Variants in ARHGAP26 observed in about 807,000 individuals in gnomAD.
ARHGAP26 encodes the protein rho GTPase-activating protein 26.
In ARHGAP26, 38 loss-of-function variants were observed where a neutral mutation model predicts 104.8. That is an observed-to-expected ratio of 0.36 (90% CI 0.28 to 0.48). ARHGAP26 has a LOEUF of 0.48. Ranked by LOEUF, ARHGAP26 falls within the 20% of genes least tolerant of loss-of-function variation. ARHGAP26 has a pLI of 0.99. For missense variants in ARHGAP26, 704 were observed against 947.9 expected (o/e 0.74, Z 3.38); for synonymous variants, 341 against 340.0 (o/e 1.00, Z -0.03).
At chr5:143,120,921 C>T in intron 17 of ARHGAP26, 67 bp from the exon 18 acceptor site, 1 of 1,486,000 alleles carries the variant, frequency 6.7e-7, no homozygotes, top group East Asian at 2.3e-5. Context: ...AGGAAGGATA[C>T]AGGGTGGTTG....
intron 1 of ARHGAP26, among the ~76,000 whole-genome samples, chr5:142,838,468 A>G (rs1310352464): frequency 6.6e-6 from 1 of 152,220 alleles, no homozygotes; most frequent in East Asian, 1.9e-4. Context: ...TAATGCAGGT[A>G]TGAGGTCAGG....
intron 1 of ARHGAP26, among the ~76,000 whole-genome samples, chr5:142,798,959 G>C (rs1032287255): frequency 3.3e-5 from 5 of 152,168 alleles, no homozygotes; most frequent in African/African-American, 1.2e-4. Context: ...AACCTTGAAG[G>C]CCCAGTAGCT....
chr5:143,135,998 T>C (rs1008237136), intron 19 of ARHGAP26, among the ~76,000 whole-genome samples: 1 of 152,230 alleles, frequency 6.6e-6, no homozygotes, highest in African/African-American at 2.4e-5. Context: ...TATGGGGTAA[T>C]GTGCTTCTCA....
chr5:143,011,567 A>G (rs899707097), intron 11 of ARHGAP26, among the ~76,000 whole-genome samples: 4 of 152,188 alleles, frequency 2.6e-5, no homozygotes, highest in South Asian at 2.1e-4. Flanking sequence ...GAGGTCTTCA[A>G]ACTTTTCAAA....
At chr5:143,018,893 A>T (rs1216093985) in intron 12 of ARHGAP26, among the ~76,000 whole-genome samples, 2 of 152,202 alleles carry the variant, frequency 1.3e-5, no homozygotes, top group East Asian at 3.8e-4. Context: ...TTGCGAGTGC[A>T]TTGAATCATA....
chr5:142,842,977 C>T (rs910653094), intron 1 of ARHGAP26, among the ~76,000 whole-genome samples: 6 of 152,106 alleles, frequency 3.9e-5, no homozygotes, highest in East Asian at 3.8e-4. Flanking sequence ...ATGTAGGGGA[C>T]GTGATTCAAA....
intron 19 of ARHGAP26, among the ~76,000 whole-genome samples, chr5:143,139,086 G>A (rs889828704): frequency 2.6e-5 from 4 of 152,198 alleles, no homozygotes; most frequent in Non-Finnish European, 5.9e-5. Flanking sequence ...GGAGTTCAAA[G>A]TTTCATTCAG....
At chr5:142,931,771 A>C (rs1764755518) in intron 10 of ARHGAP26, among the ~76,000 whole-genome samples, 1 of 152,220 alleles carries the variant, frequency 6.6e-6, no homozygotes. Context: ...ACAACGTCTA[A>C]AGGCATCACT....
chr5:142,788,778 C>T (rs1279016017), intron 1 of ARHGAP26, among the ~76,000 whole-genome samples: 1 of 152,212 alleles, frequency 6.6e-6, no homozygotes, highest in Non-Finnish European at 1.5e-5. Context: ...ATATTGGTAT[C>T]TGTTGGGAGT....
At chr5:142,775,870 G>A (rs938827538) in intron 1 of ARHGAP26, among the ~76,000 whole-genome samples, 2 of 152,112 alleles carry the variant, frequency 1.3e-5, no homozygotes, top group African/African-American at 2.4e-5. Flanking sequence ...CTGTCATTAG[G>A]AAAGACTATT....
intron 1 of ARHGAP26, among the ~76,000 whole-genome samples, chr5:142,791,924 A>G (rs1759912544): frequency 6.7e-6 from 1 of 149,720 alleles, no homozygotes; most frequent in Non-Finnish European, 1.5e-5. Context: ...AGATCACAAC[A>G]AGAGCAAAAC....
At chr5:142,995,918 A>G (rs950791990) in intron 11 of ARHGAP26, among the ~76,000 whole-genome samples, 4 of 152,130 alleles carry the variant, frequency 2.6e-5, no homozygotes, top group African/African-American at 9.7e-5. Flanking sequence ...AGGAACAGAA[A>G]ACCAAACACT....
intron 18 of ARHGAP26, among the ~76,000 whole-genome samples, chr5:143,127,112 A>G (rs931749946): frequency 2.6e-5 from 4 of 152,208 alleles, no homozygotes; most frequent in African/African-American, 9.6e-5. Flanking sequence ...TGACAATTTT[A>G]GATGTTTAAG....
chr5:142,874,546 T>C (rs1183601310), intron 2 of ARHGAP26, among the ~76,000 whole-genome samples: 3 of 152,170 alleles, frequency 2.0e-5, no homozygotes, highest in Non-Finnish European at 2.9e-5. Flanking sequence ...GTAATGCTTA[T>C]TGCTTTTATG....
intron 18 of ARHGAP26, among the ~76,000 whole-genome samples, chr5:143,123,238 C>G (rs1011111829): frequency 6.6e-6 from 1 of 152,202 alleles, no homozygotes; most frequent in Non-Finnish European, 1.5e-5. Flanking sequence ...ATGTACATTA[C>G]TCTGGGAAGG....
intron 20 of ARHGAP26, among the ~76,000 whole-genome samples, chr5:143,199,702 G>A (rs989547029): frequency 2.0e-5 from 3 of 152,198 alleles, no homozygotes; most frequent in Non-Finnish European, 4.4e-5. Context: ...CCAGGCCTGA[G>A]ACATATCACT....
intron 1 of ARHGAP26, among the ~76,000 whole-genome samples, chr5:142,783,563 A>G (rs77777956): frequency 0.043 from 6,479 of 152,134 alleles, 157 homozygotes; most frequent in East Asian, 0.084. Flanking sequence ...ATCTGGGGAG[A>G]GGAGGAGAGA....
In ARHGAP26 at chr5:143,114,357, C is replaced by T. The variant is rs1229078783; in HGVS notation, c.1539-6631C>T. Reference sequence around the variant, plus strand: ...TTGGAGCAGTCCTGCCTCACCGAGTCCAGGTAGTATTCAGGCAACACAGAG... The same window carrying T: ...TTGGAGCAGTCCTGCCTCACCGAGTTCAGGTAGTATTCAGGCAACACAGAG... On this transcript the variant is annotated intron_variant, in intron 17 of 22. Transcript: ENST00000645722. Among the ~76,000 whole-genome samples the T allele has an allele frequency of 2.0e-5, 3 of 152,092 alleles. 1 individual carries two copies. The highest frequency in any genetic ancestry group is 2.0e-4 in the Admixed American group (3 of 15,270).
intron 11 of ARHGAP26, among the ~76,000 whole-genome samples, chr5:142,945,020 G>T (rs529519423): frequency 6.6e-6 from 1 of 152,160 alleles, no homozygotes; most frequent in Non-Finnish European, 1.5e-5. Context: ...CACCTGGGCT[G>T]TCCTCATTCA....
Sources: gnomAD v4.1 joint callset for allele counts (sites outside exome capture counted in the v4.1 genomes callset) on GRCh38, gnomAD v4.1.1 for gene constraint, MANE v1.5 for transcripts, NCBI Gene and HGNC (gene_info 2026-07-23, HGNC 2026-07-21) for gene names.